SANBR: variants seen among roughly 807,000 people sequenced by gnomAD.
SANBR encodes SANT and BTB domain regulator of CSR, also known as SANT and BTB domain regulator of class switch recombination.
A neutral mutation model predicts 101.8 loss-of-function variants in SANBR; 77 were observed. The observed-to-expected ratio is 0.76, with a 90% CI of 0.63 to 0.91. The LOEUF is 0.91. Among genes scored for constraint, SANBR ranks in the 40% least tolerant of loss-of-function variants. The probability of loss-of-function intolerance (pLI) is 0.00; values close to 1 mark genes in which losing one functional copy is unlikely to be tolerated. For synonymous variants in SANBR, 279 were observed against 274.7 expected, an observed-to-expected ratio of 1.02 and a Z score of -0.15; for missense variants, 875 against 853.0, an observed-to-expected ratio of 1.03 and a Z score of -0.32.
chr2:61,067,506 G>A (rs1314887059), intron 1 of SANBR, among the ~76,000 whole-genome samples: 1 of 152,162 alleles, frequency 6.6e-6, no homozygotes, highest in Admixed American at 6.5e-5. Flanking sequence ...GGGAGGCCGA[G>A]ACGGGCGGAT....
intron 20 of SANBR, 101 bp from the exon 21 acceptor site, chr2:61,121,084 C>G: frequency 3.5e-6 from 3 of 863,552 alleles, no homozygotes; most frequent in East Asian, 2.9e-5. Context: ...TTTAAAAAAT[C>G]AAAATAAAAT....
intron 1 of SANBR, among the ~76,000 whole-genome samples, chr2:61,067,012 C>T (rs963523498): frequency 6.6e-6 from 1 of 151,964 alleles, no homozygotes; most frequent in African/African-American, 2.4e-5. Flanking sequence ...TTTTTCTTGT[C>T]ACCGTTTTTG....
At chr2:61,134,192 G>A (rs1684775869) in exon 21 of SANBR, 1 of 1,595,072 alleles carries the variant, frequency 6.3e-7, no homozygotes, top group Admixed American at 1.7e-5. Flanking sequence ...AGAAAAAGTG[G>A]TTTGAGCAGT....
At chr2:61,103,705 CT>C in intron 12 of SANBR, 147 bp from the exon 13 acceptor site, 1 of 682,022 alleles carries the variant, frequency 1.5e-6, no homozygotes, top group Non-Finnish European at 2.5e-6. Flanking sequence ...GATTGAATCT[CT>C]TTTCTGTATG....
intron 10 of SANBR, among the ~76,000 whole-genome samples, chr2:61,091,039 C>T (rs991531587): frequency 9.9e-5 from 15 of 151,974 alleles, no homozygotes; most frequent in African/African-American, 3.1e-4. Context: ...CTCAGCCTCC[C>T]GAGTAAGCCT....
At chr2:61,074,074 A>G (rs1681629403) in intron 5 of SANBR, among the ~76,000 whole-genome samples, 1 of 152,218 alleles carries the variant, frequency 6.6e-6, no homozygotes, top group Non-Finnish European at 1.5e-5. Context: ...GTACCATATA[A>G]CCATCACCCA....
At chr2:61,094,302 T>C (rs1407168971) in intron 11 of SANBR, among the ~76,000 whole-genome samples, 1 of 152,234 alleles carries the variant, frequency 6.6e-6, no homozygotes, top group East Asian at 1.9e-4. Flanking sequence ...CCCTAGCCTC[T>C]GGTAACCACT....
intron 16 of SANBR, among the ~76,000 whole-genome samples, chr2:61,111,143 C>A (rs1683811237): frequency 6.6e-6 from 1 of 152,102 alleles, no homozygotes; most frequent in African/African-American, 2.4e-5. Context: ...CCTGTAATCC[C>A]AGCACTTTGG....
chr2:61,100,137 C>T (rs115673779), intron 12 of SANBR, among the ~76,000 whole-genome samples: 7 of 152,212 alleles, frequency 4.6e-5, no homozygotes, highest in Non-Finnish European at 7.4e-5. Context: ...GAAGGAGTCT[C>T]GCTGTTGCCC....
intron 5 of SANBR, 133 bp downstream of exon 5, chr2:61,073,684 A>C: frequency 2.0e-6 from 1 of 500,712 alleles, no homozygotes; most frequent in Non-Finnish European, 3.6e-6. Flanking sequence ...AGCTTAGTTC[A>C]TGTGTTGAAC....
At chr2:61,073,421 C>A in intron 4 of SANBR, 37 bp from the exon 5 acceptor site, 1 of 870,374 alleles carries the variant, frequency 1.1e-6, no homozygotes, top group South Asian at 1.9e-5. Context: ...TAACCCCCAC[C>A]TTTTTTTTTT....
chr2:61,067,132 ACT>A (rs1476753080), intron 1 of SANBR, among the ~76,000 whole-genome samples: 4 of 152,218 alleles, frequency 2.6e-5, no homozygotes, highest in East Asian at 1.9e-4. Context: ...TTAAATTCAG[ACT>A]CTGATTTCTT....
chr2:61,092,541 G>T lies in SANBR; in HGVS notation c.1166G>T (p.Arg389Leu), dbSNP rs766972645. 2 of 1,605,824 alleles carry T rather than the reference G, an allele frequency of 1.2e-6. No individual in the cohort carries two copies. Among genetic ancestry groups the T allele is most frequent in the South Asian group, 1.1e-5 (1 of 88,312 alleles). Residue 389 changes from arginine to leucine, a missense_variant, in exon 11 of 22, where the codon CGA (arginine) becomes CTA (leucine). Arg to Leu is a moderately radical substitution (Grantham distance 102). Transcript: ENST00000402291. ...AAATCTTGGAGAGATGTATACTGGC[G>T]ATTGTGGGGAACAATCAATTGGCTG... ...ELKSWRDVYW[R>L]LWGTINWLTC...
intron 16 of SANBR, among the ~76,000 whole-genome samples, chr2:61,114,861 T>C (rs1559137321): frequency 1.3e-5 from 2 of 152,164 alleles, no homozygotes; most frequent in South Asian, 2.1e-4. Flanking sequence ...CTCCTTATAT[T>C]GCCCAGGATG....
chr2:61,131,900 CT>C (rs1051229301), intron 20 of SANBR, among the ~76,000 whole-genome samples: 1 of 152,180 alleles, frequency 6.6e-6, no homozygotes, highest in Non-Finnish European at 1.5e-5. Flanking sequence ...CTATGGTCAA[CT>C]GATTTTCATC....
intron 8 of SANBR, among the ~76,000 whole-genome samples, chr2:61,084,500 A>G (rs935861314): frequency 2.0e-5 from 3 of 152,092 alleles, no homozygotes; most frequent in Admixed American, 6.6e-5. Context: ...GGGCACTACT[A>G]TTATCCCTCT....
intron 16 of SANBR, among the ~76,000 whole-genome samples, chr2:61,115,201 G>T (rs1426192404): frequency 6.6e-6 from 1 of 152,030 alleles, no homozygotes; most frequent in African/African-American, 2.4e-5. Context: ...TTTAAATTAT[G>T]AATTCACTTT....
At chr2:61,126,285 A>G (rs149824058), downstream of SANBR, among the ~76,000 whole-genome samples, 119 of 152,308 alleles carry the variant, frequency 7.8e-4, no homozygotes, top group East Asian at 0.023. Flanking sequence ...AGCAAGTCCC[A>G]TACGTACTCC....
intron 13 of SANBR, 30 bp downstream of exon 13, chr2:61,104,028 T>A: frequency 1.9e-6 from 3 of 1,596,254 alleles, no homozygotes; most frequent in Non-Finnish European, 1.7e-6. Flanking sequence ...AACACTGTAT[T>A]ATAGCTTTAT....
Sources: allele counts gnomAD v4.1 joint callset (sites outside exome capture counted in the v4.1 genomes callset), GRCh38; gene constraint gnomAD v4.1.1; transcripts MANE v1.5; gene names NCBI Gene and HGNC (gene_info 2026-07-23, HGNC 2026-07-21).